Variants in PCDH17 observed in about 807,000 individuals in gnomAD.
PCDH17 encodes protocadherin 17, also known as protocadherin-17.
In PCDH17, 21 loss-of-function variants were observed where a neutral mutation model predicts 67.7. The ratio of observed to expected loss-of-function variants is 0.31; its 90% CI spans 0.22 to 0.45. The LOEUF is 0.45. PCDH17 is among the 20% of genes least tolerant of loss of function. The pLI, the probability that PCDH17 is intolerant of heterozygous loss-of-function variation, is 1.00. For synonymous variants in PCDH17, 701 were observed against 656.7 expected (o/e 1.07, Z -1.03); for missense variants, 1,471 against 1,564.8 (o/e 0.94, Z 1.01).
At position 57,633,312 on chromosome 13, in the gene PCDH17, G is replaced by C. The variant is rs143654068; in HGVS notation, c.766G>C (p.Ala256Pro). ...PSYLVELPEN[A>P]PLGTVVIDLN... ...CTACTTGGTGGAACTGCCCGAGAACGCTCCGCTGGGTACAGTGGTCATCGA... is the reference window on the plus strand; with the variant it reads ...CTACTTGGTGGAACTGCCCGAGAACCCTCCGCTGGGTACAGTGGTCATCGA... The change falls in exon 1 of 4, where the codon GCT becomes CCT. Residue 256 changes from alanine to proline, a missense_variant. By Grantham distance (27) the Ala-to-Pro change is conservative. Coordinates refer to ENST00000377918, the MANE Select transcript of PCDH17 (RefSeq NM_001040429.3). This position sits in a 1 kb window ranked among gnomAD's most constrained non-coding sequence, Gnocchi z 6.2. 9.3e-6 allele frequency: 15 copies of C among 1,613,256 alleles called. No individual in the cohort carries two copies. Among genetic ancestry groups the C allele is most frequent in the Admixed American group, 3.3e-5 (2 of 60,010 alleles).
At chr13:57,722,853 C>T (rs1955882836) in intron 3 of PCDH17, among the ~76,000 whole-genome samples, 1 of 152,172 alleles carries the variant, frequency 6.6e-6, no homozygotes, top group Non-Finnish European at 1.5e-5. Flanking sequence ...AAGCAATCCT[C>T]CTGCCTCAGA....
chr13:57,703,736 C>T (rs1955689984), intron 3 of PCDH17, among the ~76,000 whole-genome samples: 2 of 152,142 alleles, frequency 1.3e-5, no homozygotes, highest in South Asian at 2.1e-4. Context: ...GTATTCTTAG[C>T]ATTGTATTTA....
intron 3 of PCDH17, among the ~76,000 whole-genome samples, chr13:57,707,644 G>A (rs1955733433): frequency 6.6e-6 from 1 of 151,992 alleles, no homozygotes; most frequent in South Asian, 2.1e-4. Context: ...ACTGCAAACT[G>A]TGTGGCTAAA....
At chr13:57,660,726 T>C (rs1955172431) in intron 1 of PCDH17, among the ~76,000 whole-genome samples, 1 of 152,236 alleles carries the variant, frequency 6.6e-6, no homozygotes, top group South Asian at 2.1e-4. Flanking sequence ...GGATTTGTTC[T>C]GTGCCATAAT....
chr13:57,666,320 G>A (rs1277415816), intron 1 of PCDH17, 148 bp from the exon 2 acceptor site: 1 of 650,112 alleles, frequency 1.5e-6, no homozygotes, highest in Non-Finnish European at 2.7e-6. Flanking sequence ...TTACATGTCA[G>A]CAATTTCCAA....
intron 1 of PCDH17, among the ~76,000 whole-genome samples, chr13:57,663,009 T>C (rs1469283366): frequency 6.6e-6 from 1 of 152,124 alleles, no homozygotes; most frequent in Admixed American, 6.6e-5. Context: ...CACATCTGTT[T>C]TGTTATGATC....
At chr13:57,715,563 A>G (rs1955810062) in intron 3 of PCDH17, among the ~76,000 whole-genome samples, 1 of 151,912 alleles carries the variant, frequency 6.6e-6, no homozygotes, top group Non-Finnish European at 1.5e-5. Context: ...CATTATCTTC[A>G]TACAAAATAT....
intron 3 of PCDH17, among the ~76,000 whole-genome samples, chr13:57,667,091 TAG>T (rs1328515833): frequency 6.6e-6 from 1 of 152,136 alleles, no homozygotes; most frequent in Non-Finnish European, 1.5e-5. Flanking sequence ...TCTTATTTCA[TAG>T]ACATTTCCCA....
At chr13:57,673,324 A>G (rs990784104) in intron 3 of PCDH17, among the ~76,000 whole-genome samples, 3 of 152,018 alleles carry the variant, frequency 2.0e-5, no homozygotes, top group African/African-American at 7.2e-5. Context: ...TTTAAGGCCC[A>G]GGAAAGGCCT....
intron 3 of PCDH17, among the ~76,000 whole-genome samples, chr13:57,717,802 G>C (rs1201628759): frequency 1.3e-5 from 2 of 152,028 alleles, no homozygotes; most frequent in Non-Finnish European, 2.9e-5. Flanking sequence ...CTGGAAGCCA[G>C]ATTAGCAGTG....
chr13:57,665,354 A>G (rs932411711), intron 1 of PCDH17, among the ~76,000 whole-genome samples: 1 of 152,068 alleles, frequency 6.6e-6, no homozygotes, highest in African/African-American at 2.4e-5. Flanking sequence ...ACAAATTCAA[A>G]TGCTTTATAT....
chr13:57,663,177 A>G (rs564182176), intron 1 of PCDH17, among the ~76,000 whole-genome samples: 20 of 152,258 alleles, frequency 1.3e-4, no homozygotes, highest in African/African-American at 4.8e-4. Flanking sequence ...ATTTTTAATG[A>G]TAAACAAATC....
chr13:57,655,196 C>T (rs969934604), intron 1 of PCDH17, among the ~76,000 whole-genome samples: 110 of 98,282 alleles, frequency 1.1e-3, no homozygotes, highest in Non-Finnish European at 1.5e-4. Context: ...TTAAAATGCA[C>T]CTACAAAGGT....
At chr13:57,724,538 C>G in intron 3 of PCDH17, 74 bp from the exon 4 acceptor site, 1 of 1,221,138 alleles carries the variant, frequency 8.2e-7, no homozygotes, top group Non-Finnish European at 1.2e-6. Flanking sequence ...CCATTGAGAG[C>G]TGATCACAGC....
intron 3 of PCDH17, among the ~76,000 whole-genome samples, chr13:57,705,851 A>C (rs1252457944): frequency 2.6e-5 from 4 of 152,048 alleles, no homozygotes; most frequent in Non-Finnish European, 5.9e-5. Flanking sequence ...CCCTGTCTCT[A>C]CTAAAAATAC....
intron 3 of PCDH17, among the ~76,000 whole-genome samples, chr13:57,712,534 T>C (rs571959363): frequency 2.0e-5 from 3 of 151,834 alleles, no homozygotes; most frequent in Non-Finnish European, 4.4e-5. Flanking sequence ...AAAAAATTTA[T>C]TTTGGCTAGA....
At chr13:57,650,340 G>T (rs1195757601) in intron 1 of PCDH17, among the ~76,000 whole-genome samples, 1 of 151,016 alleles carries the variant, frequency 6.6e-6, no homozygotes, top group East Asian at 2.0e-4. Context: ...ATTCAGGCAC[G>T]GCTGGTCTAC....
chr13:57,687,308 ATTAC>A (rs1955517934), intron 3 of PCDH17, among the ~76,000 whole-genome samples: 1 of 152,084 alleles, frequency 6.6e-6, no homozygotes, highest in African/African-American at 2.4e-5. Context: ...AACACCAGCA[ATTAC>A]TTGAGAAAGA....
rs1006483382 is a variant in PCDH17 at position 57,666,942 on chromosome 13, T to C, written c.2797+109T>C. On this transcript the variant is annotated intron_variant, in intron 3 of 3. Transcript: ENST00000377918. ...ACAGTGGAATGGACCATTTATAATATATCAAAGAAACAGCAAATCTTGAGG... is the reference window on the plus strand; with the variant it reads ...ACAGTGGAATGGACCATTTATAATACATCAAAGAAACAGCAAATCTTGAGG... 6.3e-6 allele frequency: 5 copies of C among 788,112 alleles called. No individual in the cohort carries two copies. In the African/African-American group the frequency reaches 7.1e-5, roughly 11 times the overall value. The allele number at this position is 788,112 out of a possible 1,614,324, so 48.8% of individuals were successfully genotyped here.
Sources: gnomAD v4.1 joint callset for allele counts (sites outside exome capture counted in the v4.1 genomes callset) on GRCh38, gnomAD v4.1.1 for gene constraint, Gnocchi (gnomAD v3.1) non-coding constraint, MANE v1.5 for transcripts, NCBI Gene and HGNC (gene_info 2026-07-23, HGNC 2026-07-21) for gene names.